The following DYNC1I1 variants were observed in gnomAD, a reference collection of about 807,000 sequenced individuals.
DYNC1I1 encodes the protein cytoplasmic dynein 1 intermediate chain 1.
A neutral mutation model predicts 86.6 loss-of-function variants in DYNC1I1; 43 were observed. The observed-to-expected ratio is 0.50, with a 90% confidence interval of 0.39 to 0.64. The LOEUF (loss-of-function observed/expected upper bound fraction) is 0.64. Among genes scored for constraint, DYNC1I1 ranks in the 30% least tolerant of loss-of-function variants. The pLI is 0.00. For missense variants in DYNC1I1, 604 were observed against 788.8 expected (o/e 0.77, Z 2.81); for synonymous variants, 262 against 283.7 (o/e 0.92, Z 0.77).
intron 1 of DYNC1I1, among the ~76,000 whole-genome samples, chr7:95,785,811 A>AT (rs1300675890): frequency 2.4e-5 from 3 of 126,168 alleles, no homozygotes; most frequent in South Asian, 2.3e-4. Context: ...ATATATATAT[A>AT]TATATATTAT....
chr7:95,991,162 G>A (rs1793721019), intron 9 of DYNC1I1, among the ~76,000 whole-genome samples: 1 of 152,216 alleles, frequency 6.6e-6, no homozygotes, highest in African/African-American at 2.4e-5. Flanking sequence ...ATCATTAGTT[G>A]CAAAGTGTGA....
At chr7:95,968,038 A>C (rs1796151376) in intron 6 of DYNC1I1, among the ~76,000 whole-genome samples, 1 of 152,148 alleles carries the variant, frequency 6.6e-6, no homozygotes, top group Non-Finnish European at 1.5e-5. Flanking sequence ...AGAAACTATC[A>C]AATGTTTCCA....
rs998174374 is a variant in DYNC1I1, at chr7:96,097,992, A to G, written c.*399A>G. ...GTGCAGATGTGGTGTTCCTCATATT[A>G]TGGTACAGGGCCAAAGACTTGAGAC... On this transcript the variant is annotated 3_prime_UTR_variant, in exon 17 of 17. Coordinates refer to ENST00000447467, the MANE Select transcript of DYNC1I1 (RefSeq NM_001135556.2). 2.6e-5 allele frequency: 26 copies of G among 999,364 alleles called. No individual in the cohort carries two copies. The highest frequency in any genetic ancestry group is 5.6e-5 in the Admixed American group (1 of 17,776). The allele number at this position is 999,364 out of a possible 1,614,324, so 61.9% of individuals were successfully genotyped here. A position where few individuals can be genotyped will look rare whatever the true frequency, so the allele number is the denominator to read the frequency against.
intron 6 of DYNC1I1, among the ~76,000 whole-genome samples, chr7:95,945,318 A>G (rs1397623393): frequency 2.0e-5 from 3 of 152,114 alleles, no homozygotes; most frequent in East Asian, 1.9e-4. Context: ...ATTGTAAATT[A>G]TAAGAGCAGT....
At position 96,110,044 on chromosome 7, in the gene DYNC1I1, TC is replaced by T. The variant is rs978076440; in HGVS notation, c.1611del (p.Val539CysfsTer?). ...CTCAAGCAATCCTCCTATGTTGGCC[TC>T]CCAAAGTGCTGGGATTACAGACATG... On this transcript the variant is annotated frameshift_variant, in exon 17 of 17. Coordinates refer to the DYNC1I1 transcript ENST00000537881. LOFTEE classifies it high-confidence loss of function. The T allele has an allele frequency of 1.1e-4, 47 of 435,230 alleles. No homozygotes were observed. The highest frequency in any genetic ancestry group is 9.1e-4 in the African/African-American group (44 of 48,548). 27.0% of individuals were successfully genotyped at this position (435,230 alleles called of 1,614,324 possible).
intron 6 of DYNC1I1, among the ~76,000 whole-genome samples, chr7:95,927,318 G>A (rs319314): frequency 0.66 from 100,443 of 151,892 alleles, 33,950 homozygotes; most frequent in African/African-American, 0.8. Context: ...TAGGGGAGGT[G>A]ACCGTCCATA....
chr7:96,064,210 ATCTCTCTCTCTCTCTCTCTCTC>A (rs10557179), intron 14 of DYNC1I1, among the ~76,000 whole-genome samples: 11 of 141,030 alleles, frequency 7.8e-5, no homozygotes, highest in Admixed American at 4.3e-4. Flanking sequence ...AAATATTCAT[ATCTCTCTCTCTCTCTCTCTCTC>A]TCTCTCTCTC....
intron 6 of DYNC1I1, among the ~76,000 whole-genome samples, chr7:95,924,893 G>A (rs1304365357): frequency 6.6e-6 from 1 of 152,018 alleles, no homozygotes; most frequent in African/African-American, 2.4e-5. Context: ...GAGTCTCTTA[G>A]GTGACTATTA....
chr7:96,007,395 A>G (rs1794167186), intron 10 of DYNC1I1, among the ~76,000 whole-genome samples: 1 of 152,240 alleles, frequency 6.6e-6, no homozygotes, highest in African/African-American at 2.4e-5. Context: ...TAAATATATT[A>G]CATGACTGTT....
intron 10 of DYNC1I1, among the ~76,000 whole-genome samples, chr7:96,018,068 G>C (rs751818556): frequency 9.2e-5 from 14 of 152,234 alleles, no homozygotes; most frequent in Admixed American, 2.0e-4. Context: ...TGAGGTGAGC[G>C]ATCTCTACAC....
At chr7:95,909,610 A>C (rs760700092) in intron 6 of DYNC1I1, among the ~76,000 whole-genome samples, 1 of 152,164 alleles carries the variant, frequency 6.6e-6, no homozygotes, top group African/African-American at 2.4e-5. Context: ...AGTGACTTTT[A>C]TAAAATATAA....
intron 16 of DYNC1I1, among the ~76,000 whole-genome samples, chr7:96,107,380 A>AACCTAAT (rs1791232730): frequency 1.3e-5 from 2 of 151,872 alleles, no homozygotes; most frequent in African/African-American, 2.4e-5. Flanking sequence ...CATACTTATT[A>AACCTAAT]GGTTATTATA....
At chr7:96,069,075 A>G (rs1424311434) in intron 14 of DYNC1I1, among the ~76,000 whole-genome samples, 1 of 152,130 alleles carries the variant, frequency 6.6e-6, no homozygotes, top group African/African-American at 2.4e-5. Flanking sequence ...GGTCCAGTCC[A>G]TCCTCATCCC....
chr7:95,863,444 G>A (rs1300941999), intron 5 of DYNC1I1, among the ~76,000 whole-genome samples: 1 of 152,040 alleles, frequency 6.6e-6, no homozygotes, highest in Non-Finnish European at 1.5e-5. Flanking sequence ...ACAATTTTGT[G>A]AATATACTAA....
chr7:96,008,949 G>A (rs574815331), intron 10 of DYNC1I1, among the ~76,000 whole-genome samples: 2 of 152,264 alleles, frequency 1.3e-5, no homozygotes, highest in South Asian at 4.1e-4. Flanking sequence ...ATATTTGAAA[G>A]TTAAATAGCA....
At chr7:95,973,029 G>A (rs1233391061) in intron 6 of DYNC1I1, among the ~76,000 whole-genome samples, 4 of 152,162 alleles carry the variant, frequency 2.6e-5, no homozygotes, top group South Asian at 4.1e-4. Flanking sequence ...TTAATTTCTT[G>A]TGTGGACCTG....
intron 14 of DYNC1I1, among the ~76,000 whole-genome samples, chr7:96,050,774 T>A (rs182320246): frequency 1.3e-5 from 2 of 152,204 alleles, no homozygotes; most frequent in Non-Finnish European, 2.9e-5. Context: ...TTTTCTTTGA[T>A]GACTTTGCTG....
chr7:95,885,960 A>G (rs1215754476), intron 6 of DYNC1I1, among the ~76,000 whole-genome samples: 1 of 152,228 alleles, frequency 6.6e-6, no homozygotes, highest in Non-Finnish European at 1.5e-5. Context: ...GAAAAAATAA[A>G]CTACCAAAGG....
intron 6 of DYNC1I1, among the ~76,000 whole-genome samples, chr7:95,975,884 G>T (rs573551461): frequency 6.6e-6 from 1 of 152,262 alleles, no homozygotes; most frequent in Non-Finnish European, 1.5e-5. Context: ...TTCTTCACTA[G>T]ACTTTGTGTT....
Sources: allele counts gnomAD v4.1 joint callset (sites outside exome capture counted in the v4.1 genomes callset), GRCh38; gene constraint gnomAD v4.1.1; transcripts MANE v1.5; gene names NCBI Gene and HGNC (gene_info 2026-07-23, HGNC 2026-07-21).